LRP1B: variants seen among roughly 807,000 people sequenced by gnomAD.
LRP1B encodes low-density lipoprotein receptor-related protein 1B.
A neutral mutation model predicts 556.6 loss-of-function variants in LRP1B; 217 were observed. That is an observed-to-expected ratio of 0.39 (90% CI 0.35 to 0.44). The LOEUF (loss-of-function observed/expected upper bound fraction) is 0.44, where lower values mean the gene tolerates loss of function less well. LRP1B is among the 20% of genes least tolerant of loss of function. The pLI, the probability that LRP1B is intolerant of heterozygous loss-of-function variation, is 1.00. For synonymous variants in LRP1B, 2,047 were observed against 1,865.8 expected, an observed-to-expected ratio of 1.10 and a Z score of -2.50; for missense variants, 5,053 against 5,620.8, an observed-to-expected ratio of 0.90 and a Z score of 3.23.
chr2:142,107,071 A>T (rs1479507329), intron 1 of LRP1B, among the ~76,000 whole-genome samples: 1 of 152,122 alleles, frequency 6.6e-6, no homozygotes, highest in Non-Finnish European at 1.5e-5. Flanking sequence ...AGTTCTGCTT[A>T]GTTGTTTAAT....
chr2:140,286,323 G>T (rs564725981), intron 84 of LRP1B, among the ~76,000 whole-genome samples: 1 of 151,886 alleles, frequency 6.6e-6, no homozygotes, highest in African/African-American at 2.4e-5. Context: ...TGCCAGCATG[G>T]GTTTGTGTTC....
chr2:140,681,126 C>T (rs1338165303), intron 41 of LRP1B, among the ~76,000 whole-genome samples: 2 of 152,124 alleles, frequency 1.3e-5, no homozygotes, highest in African/African-American at 4.8e-5. Context: ...TTTAATATGG[C>T]TTACAGCAGA....
chr2:140,887,789 C>T (rs1407704129), intron 23 of LRP1B, among the ~76,000 whole-genome samples: 1 of 152,056 alleles, frequency 6.6e-6, no homozygotes, highest in Non-Finnish European at 1.5e-5. Flanking sequence ...GTGAAAGAAG[C>T]TAGTCATAAA....
intron 1 of LRP1B, among the ~76,000 whole-genome samples, chr2:141,836,382 T>C (rs1697279606): frequency 6.6e-6 from 1 of 152,052 alleles, no homozygotes; most frequent in African/African-American, 2.4e-5. Context: ...TATAAAAATA[T>C]GGATATGATA....
At chr2:140,476,168 C>A (rs1360365984) in intron 59 of LRP1B, among the ~76,000 whole-genome samples, 1 of 151,906 alleles carries the variant, frequency 6.6e-6, no homozygotes, top group Non-Finnish European at 1.5e-5. Flanking sequence ...TTGATTAAGC[C>A]ATTTGTGTTT....
chr2:141,817,760 C>T (rs1358996430), intron 1 of LRP1B, among the ~76,000 whole-genome samples: 1 of 151,994 alleles, frequency 6.6e-6, no homozygotes, highest in Non-Finnish European at 1.5e-5. Flanking sequence ...CCTAAAAGTT[C>T]ACTTGTTATA....
intron 1 of LRP1B, among the ~76,000 whole-genome samples, chr2:141,990,497 G>T (rs1489710687): frequency 1.3e-5 from 2 of 151,864 alleles, no homozygotes; most frequent in Non-Finnish European, 2.9e-5. Flanking sequence ...TATTTTTAGT[G>T]CAAAGGAATT....
At chr2:141,922,290 C>T (rs1700209184) in intron 1 of LRP1B, among the ~76,000 whole-genome samples, 2 of 152,150 alleles carry the variant, frequency 1.3e-5, no homozygotes, top group Non-Finnish European at 2.9e-5. Flanking sequence ...CCCTGCTTAC[C>T]TGCTCTAAAC....
chr2:140,554,663 T>C (rs1187470970), intron 43 of LRP1B, among the ~76,000 whole-genome samples: 1 of 152,102 alleles, frequency 6.6e-6, no homozygotes, highest in African/African-American at 2.4e-5. Flanking sequence ...TCAGTCTCTC[T>C]GGAAAGACTG....
chr2:140,671,378 G>A (rs750808224), intron 41 of LRP1B, among the ~76,000 whole-genome samples: 9 of 152,100 alleles, frequency 5.9e-5, no homozygotes, highest in South Asian at 4.1e-4. Context: ...AAAATTAGCC[G>A]GGCATGATGG....
In LRP1B at chr2:140,484,089, T is replaced by A. The variant is rs559137562; in HGVS notation, c.9425+1254A>T. On this transcript the variant is annotated intron_variant, in intron 59 of 90. Transcript: ENST00000389484. ...TAAAGAGACTTTCTAGTGATTCCGT[T>A]TAAATTAAAATAAAATTGATACTCT... Among the ~76,000 whole-genome samples, 4 of 152,292 alleles carry A rather than the reference T, an allele frequency of 2.6e-5. No individual in the cohort carries two copies. In the South Asian group the frequency reaches 8.3e-4, roughly 32 times the overall value.
At position 141,391,216 on chromosome 2, in the gene LRP1B, A is replaced by G. The variant is rs184464901; in HGVS notation, c.343+89180T>C. On this transcript the variant is annotated intron_variant, in intron 3 of 90. Coordinates refer to ENST00000389484, the MANE Select transcript of LRP1B (RefSeq NM_018557.3). ...AGAGTGAATTTGTGCTATAAATTCT[A>G]TGATTTTAGTGACTGTCTTGGTCAC... 1.7e-4 allele frequency among the ~76,000 whole-genome samples: 26 copies of G among 152,336 alleles called. No individual in the cohort carries two copies. In the East Asian group the frequency reaches 5.0e-3, roughly 29 times the overall value.
At chr2:140,916,673 TAGAAAGGTAGTCAA>T (rs1411938757) in intron 21 of LRP1B, among the ~76,000 whole-genome samples, 2 of 152,154 alleles carry the variant, frequency 1.3e-5, no homozygotes, top group African/African-American at 4.8e-5. Context: ...TCACAACTCT[TAGAAAGGTAGTCAA>T]AGAAAGGTAG....
At chr2:140,239,623 A>T in intron 87 of LRP1B, 91 bp from the exon 88 acceptor site, 1 of 724,722 alleles carries the variant, frequency 1.4e-6, no homozygotes. Flanking sequence ...AAATCACTTG[A>T]CCATTGATAT....
intron 1 of LRP1B, among the ~76,000 whole-genome samples, chr2:142,049,842 A>G (rs1037302497): frequency 3.9e-5 from 6 of 152,138 alleles, no homozygotes; most frequent in Admixed American, 1.3e-4. Flanking sequence ...CTTATTCTTT[A>G]TGAGTACAAA....
At chr2:141,593,989 C>T (rs942341099) in intron 2 of LRP1B, among the ~76,000 whole-genome samples, 2 of 152,006 alleles carry the variant, frequency 1.3e-5, no homozygotes. Flanking sequence ...TTGATCCCCA[C>T]CCTTCACCTT....
At chr2:141,152,616 G>A (rs1175918269) in intron 7 of LRP1B, among the ~76,000 whole-genome samples, 3 of 151,770 alleles carry the variant, frequency 2.0e-5, no homozygotes. Flanking sequence ...CAGGGATTTC[G>A]CAGATGAGCC....
chr2:140,762,855 AATTG>A (rs1363685874), intron 35 of LRP1B, among the ~76,000 whole-genome samples: 2 of 152,152 alleles, frequency 1.3e-5, no homozygotes, highest in African/African-American at 4.8e-5. Flanking sequence ...CAAAAAGACA[AATTG>A]ATTAATACAT....
At chr2:141,723,380 A>G (rs2105503261) in intron 2 of LRP1B, among the ~76,000 whole-genome samples, 1 of 150,762 alleles carries the variant, frequency 6.6e-6, no homozygotes, top group Admixed American at 6.6e-5. Flanking sequence ...AATTTAATAT[A>G]GTTGAAAGAA....
Sources: gnomAD v4.1 joint callset for allele counts (sites outside exome capture counted in the v4.1 genomes callset) on GRCh38, gnomAD v4.1.1 for gene constraint, MANE v1.5 for transcripts, NCBI Gene and HGNC (gene_info 2026-07-23, HGNC 2026-07-21) for gene names.